Variants in PLEKHG4B observed in about 807,000 individuals in gnomAD.
The protein encoded by PLEKHG4B is pleckstrin homology domain-containing family G member 4B.
In PLEKHG4B, 111 loss-of-function variants were observed where a neutral mutation model predicts 121.3. The ratio of observed to expected loss-of-function variants is 0.92; its 90% CI spans 0.78 to 1.07. The LOEUF is 1.07. Among genes scored for constraint, PLEKHG4B ranks in the 50% least tolerant of loss-of-function variants. PLEKHG4B has a pLI of 0.00. For missense variants in PLEKHG4B, 1,831 were observed against 1,757.8 expected (o/e 1.04, Z -0.74); for synonymous variants, 738 against 725.0 (o/e 1.02, Z -0.29).
intron 11 of PLEKHG4B, among the ~76,000 whole-genome samples, chr5:158,711 C>T (rs561465341): frequency 1.4e-5 from 2 of 148,084 alleles, no homozygotes; most frequent in South Asian, 2.2e-4. Flanking sequence ...GGGGGGTCTC[C>T]TTCGTCTTCC....
rs1446168679 is a variant in PLEKHG4B, at chr5:156,637, G to C, written c.2349-136G>C. ...CACATCTGTGCCCCGCCTCGGTTGT[G>C]GGCCTCCTCCTGGGGCTCCCGTTGC... On this transcript the variant is annotated intron_variant, in intron 10 of 19. Coordinates refer to ENST00000637938, the MANE Select transcript of PLEKHG4B (RefSeq NM_052909.5). The surrounding 1 kb of genome is among the most constrained non-coding windows in gnomAD (Gnocchi z 4.4). 1.7e-6 allele frequency: 2 copies of C among 1,195,510 alleles called. No individual in the cohort carries two copies. The highest frequency in any genetic ancestry group is 3.1e-5 in the African/African-American group (2 of 64,684). 74.1% of individuals were successfully genotyped at this position (1,195,510 alleles called of 1,614,324 possible). A position where few individuals can be genotyped will look rare whatever the true frequency, so the allele number is the denominator to read the frequency against.
At chr5:134,487 C>T (rs968155410) in intron 2 of PLEKHG4B, among the ~76,000 whole-genome samples, 2 of 151,910 alleles carry the variant, frequency 1.3e-5, no homozygotes, top group African/African-American at 2.4e-5. Flanking sequence ...AAATGAAGTC[C>T]AGGCATGGTG....
intron 3 of PLEKHG4B, among the ~76,000 whole-genome samples, chr5:141,864 T>C (rs1026524713): frequency 3.9e-5 from 6 of 152,130 alleles, no homozygotes; most frequent in African/African-American, 1.4e-4. Context: ...AGCCCTCCTT[T>C]CCGTGGGCTC....
rs1736554587 is a variant in PLEKHG4B, at chr5:171,515, C to A, written c.4050+71C>A. 3.6e-6 allele frequency: 5 copies of A among 1,376,996 alleles called. No individual in the cohort carries two copies. In the African/African-American group the frequency reaches 4.3e-5, roughly 12 times the overall value. 85.3% of individuals were successfully genotyped at this position (1,376,996 alleles called of 1,614,324 possible). ...GAGGCTGCTGGTGAGAAAGTCTTGG[C>A]CCCAGCAGCACACTTTTCTTGGTGA... On this transcript the variant is annotated intron_variant, in intron 16 of 19. Transcript: ENST00000637938.
chr5:140,786 G>A, intron 3 of PLEKHG4B, 70 bp downstream of exon 3: 1 of 1,224,068 alleles, frequency 8.2e-7, no homozygotes, highest in East Asian at 2.8e-5. Context: ...ATCTCCCCCT[G>A]CACACCCCAC....
At chr5:92,716 C>T (rs376410296) in intron 1 of PLEKHG4B, among the ~76,000 whole-genome samples, 12 of 151,788 alleles carry the variant, frequency 7.9e-5, no homozygotes, top group African/African-American at 2.9e-4. Context: ...CCTCTCGGTG[C>T]CTGAAGGGGA....
At chr5:176,178 G>A (rs549721494) in intron 18 of PLEKHG4B, among the ~76,000 whole-genome samples, 2 of 117,670 alleles carry the variant, frequency 1.7e-5, no homozygotes, top group East Asian at 4.4e-4. Context: ...CTTCACCCCT[G>A]TGCAGCCCCC....
chr5:163,593 A>G, intron 13 of PLEKHG4B, 45 bp downstream of exon 13: 1 of 1,440,936 alleles, frequency 6.9e-7, no homozygotes, highest in Non-Finnish European at 9.2e-7. Context: ...GTCCTTGGGG[A>G]TCTAGAAACC....
chr5:111,048 G>A (rs3893856), intron 1 of PLEKHG4B, among the ~76,000 whole-genome samples: 32,486 of 152,142 alleles, frequency 0.21, 5,352 homozygotes, highest in African/African-American at 0.46. Context: ...ACACTCCTTC[G>A]GAGTCCTGCA....
intron 2 of PLEKHG4B, among the ~76,000 whole-genome samples, chr5:131,084 C>A (rs368552944): frequency 6.6e-6 from 1 of 151,952 alleles, no homozygotes; most frequent in East Asian, 1.9e-4. Flanking sequence ...TGATGCCCCA[C>A]GCCTCTGCAA....
intron 11 of PLEKHG4B, among the ~76,000 whole-genome samples, chr5:161,487 G>A (rs964453159): frequency 3.9e-5 from 6 of 152,218 alleles, no homozygotes; most frequent in African/African-American, 9.6e-5. Context: ...CGTGTACTCA[G>A]GACATGACCA....
At position 172,989 on chromosome 5, in the gene PLEKHG4B, T is replaced by C; in HGVS notation, c.4143T>C (p.Phe1381=). ...AGTATCTGAGGCATGTGTTCCTCTT[T>C]GAAGACCTCATCCTGTTTAGCAAGA... ...RKKYLRHVFL[F]EDLILFSKTQ... is the part of the protein sequence containing the mutation. The change falls in exon 17 of 20, where the codon TTT becomes TTC. Residue 1381 remains phenylalanine (F), a synonymous_variant. Transcript: ENST00000637938. The C allele has an allele frequency of 6.2e-7, 1 of 1,614,158 alleles. No individual in the cohort carries two copies. The highest frequency in any genetic ancestry group is 1.3e-5 in the African/African-American group (1 of 75,026).
chr5:135,405 G>A (rs905853419), intron 2 of PLEKHG4B, among the ~76,000 whole-genome samples: 4 of 150,758 alleles, frequency 2.7e-5, no homozygotes, highest in Non-Finnish European at 5.9e-5. Flanking sequence ...GGTGGCTCAC[G>A]CTTGCAATGC....
intron 1 of PLEKHG4B, among the ~76,000 whole-genome samples, chr5:104,789 A>T (rs1297431386): frequency 6.6e-6 from 1 of 152,278 alleles, no homozygotes; most frequent in Non-Finnish European, 1.5e-5. Context: ...AAGCTGAAAG[A>T]TGCTTTAGGA....
chr5:156,338 C>T lies in PLEKHG4B; in HGVS notation c.2348+128C>T. The T allele has an allele frequency of 1.9e-6, 2 of 1,048,892 alleles. No individual in the cohort carries two copies. The highest frequency in any genetic ancestry group is 7.3e-5 in the Admixed American group (2 of 27,500). 65.0% of individuals were successfully genotyped at this position (1,048,892 alleles called of 1,614,324 possible). On this transcript the variant is annotated intron_variant, in intron 10 of 19. Coordinates refer to ENST00000637938, the MANE Select transcript of PLEKHG4B (RefSeq NM_052909.5). The surrounding 1 kb of genome is among the most constrained non-coding windows in gnomAD (Gnocchi z 4.4). ...TCTGTGCTTGGTCCAGACCTCCATT[C>T]TGACAGCCACGCTTTGCCTGGGTCA... is the stretch of plus-strand genomic sequence containing the variant.
At chr5:136,120 C>T (rs1396744316) in intron 2 of PLEKHG4B, among the ~76,000 whole-genome samples, 3 of 152,028 alleles carry the variant, frequency 2.0e-5, no homozygotes, top group Non-Finnish European at 4.4e-5. Flanking sequence ...TATCCACATG[C>T]AAAAGAATGA....
In PLEKHG4B at chr5:186,812, C is replaced by T. The variant is rs1163750905; in HGVS notation, c.*4489C>T. 1.3e-5 allele frequency: 2 copies of T among 152,420 alleles called. No individual in the cohort carries two copies. Among genetic ancestry groups the T allele is most frequent in the Non-Finnish European group, 2.9e-5 (2 of 68,218 alleles). The allele number at this position is 152,420 out of a possible 1,614,324, so 9.4% of individuals were successfully genotyped here. On this transcript the variant is annotated 3_prime_UTR_variant, in exon 20 of 20. Coordinates refer to ENST00000637938, the MANE Select transcript of PLEKHG4B (RefSeq NM_052909.5). ...TCCACCACTCCCACCCACGCCTCAGCACTGGGACCCCCCAGGGATGGTGTG... is the reference window on the plus strand; with the variant it reads ...TCCACCACTCCCACCCACGCCTCAGTACTGGGACCCCCCAGGGATGGTGTG...
intron 2 of PLEKHG4B, among the ~76,000 whole-genome samples, chr5:128,103 A>G (rs1734674742): frequency 6.6e-6 from 1 of 152,128 alleles, no homozygotes; most frequent in African/African-American, 2.4e-5. Context: ...TAGATGACAA[A>G]TGTGTCCTAT....
In PLEKHG4B at chr5:162,909, A is replaced by AGT. The variant is rs1392308752; in HGVS notation, c.2838_2839dup (p.Tyr947CysfsTer39). 1 of 1,535,724 alleles carries AGT rather than the reference A, an allele frequency of 6.5e-7. No individual in the cohort carries two copies. The highest frequency in any genetic ancestry group is 1.3e-5 in the South Asian group (1 of 79,504). On this transcript the variant is annotated frameshift_variant, in exon 13 of 20. Coordinates refer to ENST00000637938, the MANE Select transcript of PLEKHG4B (RefSeq NM_052909.5). LOFTEE classifies it high-confidence loss of function. ...GCATCACAGCAAGACCTGTGGCTGCAGTACCCCCAGACCCGGCTCCGTCTG... is the reference window on the plus strand; with the variant it reads ...GCATCACAGCAAGACCTGTGGCTGCAGTGTACCCCCAGACCCGGCTCCGTCTG...
Sources: gnomAD v4.1 joint callset for allele counts (sites outside exome capture counted in the v4.1 genomes callset) on GRCh38, gnomAD v4.1.1 for gene constraint, Gnocchi (gnomAD v3.1) non-coding constraint, MANE v1.5 for transcripts, NCBI Gene and HGNC (gene_info 2026-07-23, HGNC 2026-07-21) for gene names.